Variants in CPLX1 observed in about 807,000 individuals in gnomAD.
The protein encoded by CPLX1 is complexin 1.
In CPLX1, 6 loss-of-function variants were observed where a neutral mutation model predicts 15.6. That is an observed-to-expected ratio of 0.39 (90% CI 0.21 to 0.76). The LOEUF is 0.76. CPLX1 is among the 30% of genes least tolerant of loss of function. The pLI, the probability that CPLX1 is intolerant of heterozygous loss-of-function variation, is 0.43. For missense variants in CPLX1, 242 were observed against 188.6 expected (o/e 1.28, Z -1.66); for synonymous variants, 91 against 75.2 (o/e 1.21, Z -1.08).
chr4:790,308 G>T (rs13131168), intron 3 of CPLX1, among the ~76,000 whole-genome samples: 2 of 151,954 alleles, frequency 1.3e-5, no homozygotes, highest in Admixed American at 6.5e-5. Flanking sequence ...TCTCTGAGGG[G>T]CTTAGACCAA....
intron 2 of CPLX1, among the ~76,000 whole-genome samples, chr4:801,278 G>C (rs1284915468): frequency 6.6e-6 from 1 of 151,316 alleles, no homozygotes; most frequent in Admixed American, 6.6e-5. Context: ...GCCGAGATCG[G>C]GCCACTGCAC....
At chr4:792,081 G>A (rs564262786) in intron 3 of CPLX1, among the ~76,000 whole-genome samples, 5 of 152,094 alleles carry the variant, frequency 3.3e-5, no homozygotes, top group East Asian at 2.0e-4. Flanking sequence ...ACTCCAGGCC[G>A]GGCTCACCTG....
intron 2 of CPLX1, among the ~76,000 whole-genome samples, chr4:801,878 T>C (rs1374669684): frequency 6.6e-6 from 1 of 152,180 alleles, no homozygotes; most frequent in African/African-American, 2.4e-5. Flanking sequence ...TACTCAAATG[T>C]CTGAAATTAA....
chr4:787,055 G>A, intron 3 of CPLX1: 2 of 985,396 alleles, frequency 2.0e-6, no homozygotes, highest in Non-Finnish European at 2.4e-6. Context: ...AGGGAGGGGT[G>A]GGCAGGATGC....
chr4:819,692 C>G (rs893271833), intron 2 of CPLX1, among the ~76,000 whole-genome samples: 1 of 152,190 alleles, frequency 6.6e-6, no homozygotes, highest in East Asian at 1.9e-4. Flanking sequence ...TGGAGTAGGA[C>G]GGGCCCACCC....
chr4:799,981 C>T (rs983720678), intron 2 of CPLX1, among the ~76,000 whole-genome samples: 7 of 152,186 alleles, frequency 4.6e-5, no homozygotes, highest in African/African-American at 1.2e-4. Flanking sequence ...AACTCGAAGC[C>T]GGTCGTTCAG....
At chr4:791,200 G>A (rs1164242569) in intron 3 of CPLX1, among the ~76,000 whole-genome samples, 2 of 151,142 alleles carry the variant, frequency 1.3e-5, no homozygotes, top group African/African-American at 4.9e-5. Context: ...AGCGGGGGGC[G>A]GAGGGGTGGG....
chr4:799,954 G>C (rs2152644994), intron 2 of CPLX1, among the ~76,000 whole-genome samples: 1 of 152,286 alleles, frequency 6.6e-6, no homozygotes, highest in South Asian at 2.1e-4. Context: ...AAACCCAAGA[G>C]GGGTCGCATG....
At chr4:810,465 G>A (rs1325834721) in intron 2 of CPLX1, among the ~76,000 whole-genome samples, 1 of 152,174 alleles carries the variant, frequency 6.6e-6, no homozygotes, top group East Asian at 1.9e-4. Context: ...CAGTGCGGTT[G>A]TGCCATTTTA....
chr4:813,033 G>A (rs775155480), intron 2 of CPLX1, among the ~76,000 whole-genome samples: 4 of 152,136 alleles, frequency 2.6e-5, no homozygotes, highest in African/African-American at 4.8e-5. Flanking sequence ...TTGGGAGGCC[G>A]AGGCAGGCAG....
At chr4:815,134 G>C (rs1462470397) in intron 2 of CPLX1, among the ~76,000 whole-genome samples, 5 of 152,246 alleles carry the variant, frequency 3.3e-5, no homozygotes, top group African/African-American at 7.2e-5. Context: ...TAAGGGGTCA[G>C]GCGTGGTGGC....
chr4:787,765 C>A, intron 3 of CPLX1: 1 of 985,264 alleles, frequency 1.0e-6, no homozygotes, highest in Non-Finnish European at 1.2e-6. Flanking sequence ...TACGCCTCCC[C>A]ACGCCACACT....
chr4:819,855 C>T (rs1173864206), intron 2 of CPLX1, among the ~76,000 whole-genome samples: 1 of 152,346 alleles, frequency 6.6e-6, no homozygotes, highest in African/African-American at 2.4e-5. Context: ...GCAGCAGCAG[C>T]CACTTTGAGA....
chr4:825,758 A>C (rs2152649519), intron 1 of CPLX1, among the ~76,000 whole-genome samples: 3 of 143,756 alleles, frequency 2.1e-5, no homozygotes, highest in South Asian at 2.4e-4. Flanking sequence ...CGGGAGAGAA[A>C]CGGGGGCTGC....
chr4:786,916 A>G (rs1746011883), intron 3 of CPLX1: 12 of 979,818 alleles, frequency 1.2e-5, no homozygotes, highest in Non-Finnish European at 1.5e-5. Flanking sequence ...AGGAGCTGAC[A>G]TGGGGGGGAG....
chr4:786,761 C>T (rs13128363), intron 3 of CPLX1, 63 bp from the exon 4 acceptor site: 191,341 of 1,524,968 alleles, frequency 0.13, 13,053 homozygotes, highest in African/African-American at 0.21. Flanking sequence ...CGCAGCCTCC[C>T]TGCGCCAGGG....
intron 3 of CPLX1, among the ~76,000 whole-genome samples, chr4:789,733 G>C (rs1301433928): frequency 6.6e-6 from 1 of 152,188 alleles, no homozygotes; most frequent in Non-Finnish European, 1.5e-5. Flanking sequence ...GCTCCTCTGG[G>C]AACTGCCTAG....
Position 786,584 on chromosome 4 carries a change from C to T in CPLX1, c.322G>A (p.Glu108Lys). The change falls in exon 4 of 4, where the codon GAG becomes AAG. Residue 108 changes from glutamate (E) to lysine (K), a missense_variant. Glu to Lys is a moderately conservative substitution (Grantham distance 56, BLOSUM62 1). Transcript: ENST00000304062. ...ATGCTCTCGTCCTCCTCCTCCACCT[C>T]GTCCCCGCAGCCCGGCGGGATGGCC... Reference protein sequence around the residue: ...KKAIPPGCGDEVEEEDESILD... With the variant: ...KKAIPPGCGDKVEEEDESILD... The T allele has an allele frequency of 2.5e-6, 4 of 1,611,016 alleles. No homozygotes were observed. Among genetic ancestry groups the T allele is most frequent in the East Asian group, 2.2e-5 (1 of 44,756 alleles).
At chr4:810,047 C>CTTTTT (rs34354609) in intron 2 of CPLX1, among the ~76,000 whole-genome samples, 14 of 120,310 alleles carry the variant, frequency 1.2e-4, no homozygotes, top group Admixed American at 1.7e-4. Context: ...TCTGCACTTT[C>CTTTTT]TTTTTTTTTT....
Sources: gnomAD v4.1 joint callset for allele counts (sites outside exome capture counted in the v4.1 genomes callset) on GRCh38, gnomAD v4.1.1 for gene constraint, MANE v1.5 for transcripts, NCBI Gene and HGNC (gene_info 2026-07-23, HGNC 2026-07-21) for gene names.